Variants in PLCE1 observed in about 807,000 individuals in gnomAD.
The protein encoded by PLCE1 is phospholipase C epsilon 1, also known as 1-phosphatidylinositol 4,5-bisphosphate phosphodiesterase epsilon-1.
In PLCE1, 119 loss-of-function variants were observed where a neutral mutation model predicts 242.8. The ratio of observed to expected loss-of-function variants is 0.49; its 90% confidence interval spans 0.42 to 0.57. The LOEUF is 0.57. Ranked by LOEUF, PLCE1 falls within the 20% of genes least tolerant of loss-of-function variation. The pLI is 0.00. For missense variants in PLCE1, 2,441 were observed against 2,788.8 expected (o/e 0.88, Z 2.81); for synonymous variants, 945 against 1,017.4 (o/e 0.93, Z 1.35).
chr10:94,162,729 T>C (rs1159495362), intron 3 of PLCE1, among the ~76,000 whole-genome samples: 1 of 152,234 alleles, frequency 6.6e-6, no homozygotes, highest in Non-Finnish European at 1.5e-5. Flanking sequence ...GTTTCTCTAG[T>C]TCTTTTAATT....
intron 1 of PLCE1, among the ~76,000 whole-genome samples, chr10:94,007,870 C>T (rs11594479): frequency 0.21 from 31,277 of 150,460 alleles, 3,716 homozygotes; most frequent in Non-Finnish European, 0.26. Context: ...ATGTTTTGTT[C>T]GATTTATTTT....
At chr10:94,164,316 C>A (rs1008086750) in intron 3 of PLCE1, among the ~76,000 whole-genome samples, 1 of 152,180 alleles carries the variant, frequency 6.6e-6, no homozygotes, top group African/African-American at 2.4e-5. Flanking sequence ...GGTCTTTTCA[C>A]ATAGTCCCAT....
At chr10:94,099,551 T>C (rs897823115) in intron 2 of PLCE1, 2 of 152,244 alleles carry the variant, frequency 1.3e-5, no homozygotes, top group African/African-American at 2.4e-5. Flanking sequence ...GGTTCAGTAT[T>C]CTTGTTTATA....
intron 2 of PLCE1, 94 bp downstream of exon 2, chr10:94,032,346 T>G: frequency 8.8e-7 from 1 of 1,135,698 alleles, no homozygotes; most frequent in South Asian, 1.3e-5. Flanking sequence ...GATGAGAAAT[T>G]TTAAGATCTG....
At chr10:94,266,298 C>G (rs968424744) in intron 16 of PLCE1, among the ~76,000 whole-genome samples, 2 of 152,176 alleles carry the variant, frequency 1.3e-5, no homozygotes, top group African/African-American at 4.8e-5. Flanking sequence ...AATCGTCTCT[C>G]TAACTGCTAA....
At chr10:94,227,847 C>T (rs554373848) in intron 5 of PLCE1, among the ~76,000 whole-genome samples, 1 of 152,340 alleles carries the variant, frequency 6.6e-6, no homozygotes, top group South Asian at 2.1e-4. Flanking sequence ...CCACCAACTG[C>T]CCTTAGTAAT....
chr10:94,321,626 T>G (rs1238307204), intron 29 of PLCE1, among the ~76,000 whole-genome samples: 1 of 124,594 alleles, frequency 8.0e-6, no homozygotes, highest in Non-Finnish European at 1.7e-5. Flanking sequence ...AGACTCCATC[T>G]CAGAAAAAAA....
intron 20 of PLCE1, among the ~76,000 whole-genome samples, chr10:94,281,904 C>A (rs2052244092): frequency 1.3e-5 from 2 of 151,740 alleles, no homozygotes. Flanking sequence ...ATTGTTGTGA[C>A]CATCTCCACT....
rs868776236 is a variant in PLCE1 at position 94,252,499 on chromosome 10, G to C, written c.3279+1G>C. 1 of 1,611,172 alleles carries C rather than the reference G, an allele frequency of 6.2e-7. No individual in the cohort carries two copies. Reference sequence around the variant, plus strand: ...GAAAAAGAAGAAAATCCTCATGAGGGTAGAGTGTTATTTGTTTATTAAGCA... The same window carrying C: ...GAAAAAGAAGAAAATCCTCATGAGGCTAGAGTGTTATTTGTTTATTAAGCA... On this transcript the variant is annotated splice_donor_variant, in intron 9 of 32. Coordinates refer to ENST00000371380, the MANE Select transcript of PLCE1 (RefSeq NM_016341.4). LOFTEE classifies it high-confidence loss of function.
At chr10:94,004,188 A>G (rs1465888584) in intron 1 of PLCE1, among the ~76,000 whole-genome samples, 1 of 152,128 alleles carries the variant, frequency 6.6e-6, no homozygotes, top group Non-Finnish European at 1.5e-5. Context: ...TCATTTCTTT[A>G]TGTTCCTCCC....
chr10:94,310,876 C>G (rs2053366375), intron 27 of PLCE1, among the ~76,000 whole-genome samples: 1 of 152,176 alleles, frequency 6.6e-6, no homozygotes, highest in Non-Finnish European at 1.5e-5. Flanking sequence ...TCCCACAAGA[C>G]TACTCCTACT....
chr10:94,314,307 C>T (rs1027973649), intron 28 of PLCE1, among the ~76,000 whole-genome samples: 1 of 152,174 alleles, frequency 6.6e-6, no homozygotes, highest in Non-Finnish European at 1.5e-5. Flanking sequence ...TTCAGAATTC[C>T]TTCTCCATGC....
rs2054143387 is a variant in PLCE1, at chr10:94,330,198, A to C, written c.*2255A>C. The C allele has an allele frequency of 6.6e-6, 1 of 152,174 alleles. No homozygotes were observed. The highest frequency in any genetic ancestry group is 2.4e-5 in the African/African-American group (1 of 41,432). 9.4% of individuals were successfully genotyped at this position (152,174 alleles called of 1,614,324 possible). The stretch of plus-strand genomic sequence containing the variant: ...CCCCACTCCTCCTCCATGACCTTTA[A>C]CACAGGTGTATGTTTTACAACATAA... On this transcript the variant is annotated 3_prime_UTR_variant, in exon 33 of 33. Transcript: ENST00000371380.
intron 3 of PLCE1, among the ~76,000 whole-genome samples, chr10:94,168,435 T>C (rs1282415359): frequency 2.0e-5 from 3 of 152,216 alleles, no homozygotes; most frequent in Non-Finnish European, 4.4e-5. Context: ...ACATGAAAGG[T>C]TGACATTGTT....
chr10:94,133,805 A>C (rs2046682450), intron 3 of PLCE1, among the ~76,000 whole-genome samples: 1 of 152,170 alleles, frequency 6.6e-6, no homozygotes, highest in African/African-American at 2.4e-5. Context: ...AGCCCCTATT[A>C]GGTGTTAGGT....
chr10:94,076,123 G>A (rs890646476), intron 2 of PLCE1, among the ~76,000 whole-genome samples: 3 of 149,122 alleles, frequency 2.0e-5, no homozygotes, highest in Admixed American at 1.3e-4. Context: ...GTTTGTGTGT[G>A]TGTGCGTGCG....
intron 4 of PLCE1, among the ~76,000 whole-genome samples, chr10:94,194,734 A>T (rs1257299503): frequency 6.6e-6 from 1 of 152,208 alleles, no homozygotes; most frequent in Non-Finnish European, 1.5e-5. Context: ...ATATGTAGGG[A>T]TGTTGCAAGA....
chr10:94,282,309 T>A (rs985181969), intron 20 of PLCE1, among the ~76,000 whole-genome samples: 3 of 152,028 alleles, frequency 2.0e-5, no homozygotes, highest in Non-Finnish European at 4.4e-5. Context: ...AAATGAGAGT[T>A]ATTTATCTGA....
At chr10:94,318,273 C>G (rs1672160637) in intron 29 of PLCE1, among the ~76,000 whole-genome samples, 1 of 152,204 alleles carries the variant, frequency 6.6e-6, no homozygotes, top group Non-Finnish European at 1.5e-5. Context: ...TATCAGAGGG[C>G]TTAGCTGTAC....
Sources: allele counts gnomAD v4.1 joint callset (sites outside exome capture counted in the v4.1 genomes callset), GRCh38; gene constraint gnomAD v4.1.1; transcripts MANE v1.5; gene names NCBI Gene and HGNC (gene_info 2026-07-23, HGNC 2026-07-21).